NECAB1: variants seen among roughly 807,000 people sequenced by gnomAD.
NECAB1 encodes N-terminal EF-hand calcium-binding protein 1.
A neutral mutation model predicts 57.5 loss-of-function variants in NECAB1; 29 were observed. The ratio of observed to expected loss-of-function variants is 0.50; its 90% CI spans 0.38 to 0.69. NECAB1 has a LOEUF of 0.69. Ranked by LOEUF, NECAB1 falls within the 30% of genes least tolerant of loss-of-function variation. The pLI, the probability that NECAB1 is intolerant of heterozygous loss-of-function variation, is 0.00. For missense variants in NECAB1, 372 were observed against 413.8 expected (o/e 0.90, Z 0.88); for synonymous variants, 142 against 147.7 (o/e 0.96, Z 0.28).
intron 3 of NECAB1, among the ~76,000 whole-genome samples, chr8:90,850,273 GT>G (rs1218734930): frequency 3.3e-5 from 5 of 152,210 alleles, no homozygotes; most frequent in African/African-American, 4.8e-5. Flanking sequence ...GACTGATGAA[GT>G]TGCTGTGGAA....
At chr8:90,947,317 C>A (rs978210349) in intron 10 of NECAB1, among the ~76,000 whole-genome samples, 14 of 145,228 alleles carry the variant, frequency 9.6e-5, no homozygotes, top group South Asian at 2.2e-4. Flanking sequence ...CACACACACA[C>A]ACACACACAC....
chr8:90,889,771 G>A (rs767019544), intron 5 of NECAB1, among the ~76,000 whole-genome samples: 5 of 152,204 alleles, frequency 3.3e-5, no homozygotes, highest in Admixed American at 6.5e-5. Context: ...TGGGCTGGGC[G>A]TGGTGGCTCA....
intron 4 of NECAB1, among the ~76,000 whole-genome samples, chr8:90,874,972 C>T (rs907991659): frequency 8.6e-5 from 13 of 150,806 alleles, no homozygotes; most frequent in African/African-American, 2.5e-4. Context: ...TATCTTATCA[C>T]GATCAGTCAA....
At chr8:90,860,534 G>C (rs1038082075) in intron 3 of NECAB1, among the ~76,000 whole-genome samples, 1 of 152,102 alleles carries the variant, frequency 6.6e-6, no homozygotes, top group African/African-American at 2.4e-5. Context: ...GAACCTGAGG[G>C]TTTCAAGGAT....
intron 6 of NECAB1, among the ~76,000 whole-genome samples, chr8:90,920,334 A>G (rs1263170570): frequency 6.6e-6 from 1 of 152,166 alleles, no homozygotes; most frequent in African/African-American, 2.4e-5. Flanking sequence ...AACCAGACTG[A>G]AGCACGTGAA....
chr8:90,881,384 G>C (rs1039358761), intron 5 of NECAB1, among the ~76,000 whole-genome samples: 36 of 152,190 alleles, frequency 2.4e-4, no homozygotes, highest in African/African-American at 8.2e-4. Context: ...TGATACAAGT[G>C]TGTTAACTAA....
Position 90,818,631 on chromosome 8 carries a change from GT to G in NECAB1, c.125-6084del, listed in dbSNP as rs113417303. On this transcript the variant is annotated intron_variant, in intron 2 of 12. Coordinates refer to ENST00000417640, the MANE Select transcript of NECAB1 (RefSeq NM_022351.5). ...TTAGCCCTCTATAGCAGAGATGCTT[GT>G]TGTTTTCTTCTTGTTCTGTCTACAT... Among the ~76,000 whole-genome samples the G allele has an allele frequency of 3.4e-4, 52 of 152,092 alleles. 1 individual carries two copies. Among genetic ancestry groups the G allele is most frequent in the African/African-American group, 1.2e-3 (50 of 41,524 alleles).
chr8:90,951,495 T>C (rs1231851834), intron 12 of NECAB1, among the ~76,000 whole-genome samples: 3 of 152,194 alleles, frequency 2.0e-5, no homozygotes, highest in Non-Finnish European at 2.9e-5. Flanking sequence ...CAAAAAATTA[T>C]TCAAATATTT....
intron 7 of NECAB1, 112 bp downstream of exon 7, chr8:90,925,768 A>G: frequency 7.1e-7 from 1 of 1,398,976 alleles, no homozygotes; most frequent in South Asian, 1.3e-5. Context: ...CACTTTCCTT[A>G]TACCAAGTAA....
intron 9 of NECAB1, among the ~76,000 whole-genome samples, chr8:90,935,469 A>G (rs898874355): frequency 6.6e-6 from 1 of 152,118 alleles, no homozygotes; most frequent in South Asian, 2.1e-4. Context: ...CCAACATTTT[A>G]AAATGGTAGA....
chr8:90,825,889 G>C (rs1028637346), intron 3 of NECAB1, among the ~76,000 whole-genome samples: 1 of 151,712 alleles, frequency 6.6e-6, no homozygotes, highest in Non-Finnish European at 1.5e-5. Context: ...GTCCATAGTA[G>C]GTATTGGTGG....
intron 5 of NECAB1, among the ~76,000 whole-genome samples, chr8:90,890,400 G>A (rs1809132041): frequency 6.6e-6 from 1 of 152,118 alleles, no homozygotes; most frequent in African/African-American, 2.4e-5. Flanking sequence ...GGCCTCCCCA[G>A]CAATGTGGAA....
chr8:90,933,379 T>C (rs1440611304), intron 8 of NECAB1, among the ~76,000 whole-genome samples: 3 of 152,296 alleles, frequency 2.0e-5, no homozygotes, highest in Admixed American at 1.3e-4. Flanking sequence ...GTATGTACGA[T>C]GGAATACTAC....
chr8:90,853,070 G>A (rs374588830), intron 3 of NECAB1, among the ~76,000 whole-genome samples: 17 of 152,232 alleles, frequency 1.1e-4, no homozygotes, highest in African/African-American at 3.6e-4. Context: ...GGGGTCAAAG[G>A]CAGCCCCCTT....
intron 4 of NECAB1, among the ~76,000 whole-genome samples, chr8:90,876,208 A>G (rs2129861732): frequency 6.6e-6 from 1 of 152,104 alleles, no homozygotes; most frequent in East Asian, 1.9e-4. Flanking sequence ...AGGAAATCAG[A>G]AGGCTCTATG....
At chr8:90,804,319 C>A (rs930315435) in intron 2 of NECAB1, among the ~76,000 whole-genome samples, 3 of 151,010 alleles carry the variant, frequency 2.0e-5, no homozygotes, top group African/African-American at 7.3e-5. Context: ...CTAAAACAAT[C>A]GAACTCATAG....
At chr8:90,949,066 A>G (rs1413426316) in intron 10 of NECAB1, among the ~76,000 whole-genome samples, 1 of 152,170 alleles carries the variant, frequency 6.6e-6, no homozygotes, top group Non-Finnish European at 1.5e-5. Flanking sequence ...AAAGAAATTT[A>G]AAAGTAAAAC....
intron 12 of NECAB1, among the ~76,000 whole-genome samples, chr8:90,952,024 G>A (rs1226573114): frequency 6.6e-6 from 1 of 152,148 alleles, no homozygotes; most frequent in Non-Finnish European, 1.5e-5. Context: ...TACAGTACAA[G>A]TGGAGACAGA....
In NECAB1 at chr8:90,957,555, AT is replaced by A. The variant is rs1337556682; in HGVS notation, c.*2045del. ...CATTCTGACCCCAGCTCTTATACAA[AT>A]TATACATGTATTTTTGTGTATGTTT... is the stretch of plus-strand genomic sequence containing the variant. On this transcript the variant is annotated 3_prime_UTR_variant, in exon 13 of 13. Coordinates refer to ENST00000417640, the MANE Select transcript of NECAB1 (RefSeq NM_022351.5). 2 of 151,630 alleles carry A rather than the reference AT, an allele frequency of 1.3e-5. No homozygotes were observed. The highest frequency in any genetic ancestry group is 3.0e-5 in the Non-Finnish European group (2 of 67,780). 9.4% of individuals were successfully genotyped at this position (151,630 alleles called of 1,614,324 possible). A position where few individuals can be genotyped will look rare whatever the true frequency, so the allele number is the denominator to read the frequency against.
Sources: allele counts gnomAD v4.1 joint callset (sites outside exome capture counted in the v4.1 genomes callset), GRCh38; gene constraint gnomAD v4.1.1; transcripts MANE v1.5; gene names NCBI Gene and HGNC (gene_info 2026-07-23, HGNC 2026-07-21).